CYFIP1: variants seen among roughly 807,000 people sequenced by gnomAD.
The protein encoded by CYFIP1 is cytoplasmic FMR1 interacting protein 1.
In CYFIP1, 58 loss-of-function variants were observed where a neutral mutation model predicts 163.5. That is an observed-to-expected ratio of 0.35 (90% CI 0.29 to 0.44). The LOEUF (loss-of-function observed/expected upper bound fraction) is 0.44, where lower values mean the gene tolerates loss of function less well. Ranked by LOEUF, CYFIP1 falls within the 20% of genes least tolerant of loss-of-function variation. The pLI, the probability that CYFIP1 is intolerant of heterozygous loss-of-function variation, is 1.00. For synonymous variants in CYFIP1, 663 were observed against 660.7 expected (o/e 1.00, Z -0.05); for missense variants, 1,338 against 1,653.8 (o/e 0.81, Z 3.31).
chr15:22,889,468 A>G (rs2060010829), intron 23 of CYFIP1, among the ~76,000 whole-genome samples: 1 of 152,212 alleles, frequency 6.6e-6, no homozygotes, highest in Non-Finnish European at 1.5e-5. Flanking sequence ...AACGTGTGTC[A>G]AGAGCCTTTA....
intron 14 of CYFIP1, among the ~76,000 whole-genome samples, 178 bp downstream of exon 14, chr15:22,918,514 T>C (rs1336065813): frequency 6.6e-6 from 1 of 152,182 alleles, no homozygotes; most frequent in Non-Finnish European, 1.5e-5. Context: ...TGTCCATTGT[T>C]TGGGTTAATA....
At chr15:22,906,681 G>A (rs1264985489) in intron 21 of CYFIP1, among the ~76,000 whole-genome samples, 1 of 151,552 alleles carries the variant, frequency 6.6e-6, no homozygotes, top group Non-Finnish European at 1.5e-5. Flanking sequence ...TAGCCAGGAT[G>A]GTCTCGATCT....
In CYFIP1 at chr15:22,943,203, C is replaced by G. The variant is rs2061948414; in HGVS notation, c.539G>C (p.Ser180Thr). The change falls in exon 6 of 31, where the codon AGT becomes ACT. Residue 180 changes from serine (S) to threonine (T), a missense_variant. Around this residue, in one of 4 missense-constraint regions of CYFIP1, gnomAD observed 186 missense variants for 288.3 expected, o/e 0.65. Transcript: ENST00000617928. ...VLDELKNMKC[S>T]VKNDHSAYKR... ...GTACGCTGAGTGGTCGTTCTTCACA[C>G]TGCACTTCATGTTCTTCAGCTCGTC... is the stretch of plus-strand genomic sequence containing the variant. The G allele has an allele frequency of 6.2e-7, 1 of 1,614,118 alleles. No homozygotes were observed. Among genetic ancestry groups the G allele is most frequent in the South Asian group, 1.1e-5 (1 of 91,094 alleles).
chr15:22,943,482 G>A (rs1229441593), intron 5 of CYFIP1, 128 bp from the exon 6 acceptor site: 13 of 1,045,682 alleles, frequency 1.2e-5, no homozygotes, highest in Admixed American at 5.3e-5. Flanking sequence ...GCTCCAGGCC[G>A]AAGTGTTTAC....
At chr15:22,890,002 T>C (rs1284974212) in intron 23 of CYFIP1, among the ~76,000 whole-genome samples, 2 of 152,078 alleles carry the variant, frequency 1.3e-5, no homozygotes, top group South Asian at 2.1e-4. Flanking sequence ...AATTATTGCA[T>C]AAAAGTCAGC....
chr15:22,871,691 G>C (rs546809835), intron 30 of CYFIP1, among the ~76,000 whole-genome samples: 40 of 152,350 alleles, frequency 2.6e-4, no homozygotes, highest in Admixed American at 5.2e-4. Context: ...GCCGGAGGCA[G>C]GAGAGACATG....
chr15:22,964,804 G>C (rs2062847033), intron 1 of CYFIP1, among the ~76,000 whole-genome samples: 1 of 152,200 alleles, frequency 6.6e-6, no homozygotes, highest in African/African-American at 2.4e-5. Flanking sequence ...AACGGCAGGA[G>C]ATGGATGCCA....
chr15:22,933,565 C>T (rs895401542), intron 10 of CYFIP1, among the ~76,000 whole-genome samples: 3 of 152,092 alleles, frequency 2.0e-5, no homozygotes, highest in South Asian at 2.1e-4. Flanking sequence ...CCGCCCGCCT[C>T]GGCCTCCCAA....
At chr15:22,973,415 T>G (rs1048897280) in intron 1 of CYFIP1, among the ~76,000 whole-genome samples, 11 of 151,542 alleles carry the variant, frequency 7.3e-5, no homozygotes, top group Non-Finnish European at 1.0e-4. Context: ...TCCCCTGCTT[T>G]CTGGCCCCAG....
intron 13 of CYFIP1, among the ~76,000 whole-genome samples, chr15:22,919,601 G>A (rs1021754816): frequency 2.6e-5 from 4 of 152,180 alleles, no homozygotes; most frequent in Non-Finnish European, 4.4e-5. Context: ...CCACCCTGCC[G>A]TGTGGATGTC....
At chr15:22,916,223 T>A (rs1002822890) in intron 16 of CYFIP1, among the ~76,000 whole-genome samples, 13 of 152,144 alleles carry the variant, frequency 8.5e-5, no homozygotes, top group Non-Finnish European at 1.8e-4. Flanking sequence ...CAACCCCGCA[T>A]GGGTTGAAAA....
Position 22,875,190 on chromosome 15 carries a change from C to A in CYFIP1, c.3115+9G>T. On this transcript the variant is annotated intron_variant, in intron 27 of 30. Transcript: ENST00000617928. ...GTCTGGACTCCCTGGTGGGGGTCAG[C>A]AGGCTCACCTTTCACATGGACTCGC... is the stretch of plus-strand genomic sequence containing the variant. 1 of 1,613,972 alleles carries A rather than the reference C, an allele frequency of 6.2e-7. No individual in the cohort carries two copies. Among genetic ancestry groups the A allele is most frequent in the Non-Finnish European group, 8.5e-7 (1 of 1,179,888 alleles).
At chr15:22,962,824 C>A (rs114526592) in intron 1 of CYFIP1, among the ~76,000 whole-genome samples, 1 of 152,210 alleles carries the variant, frequency 6.6e-6, no homozygotes, top group African/African-American at 2.4e-5. Flanking sequence ...GACGCATGCA[C>A]GCTGCCAGGC....
intron 11 of CYFIP1, among the ~76,000 whole-genome samples, chr15:22,930,052 G>A (rs1053011357): frequency 3.3e-5 from 5 of 150,342 alleles, no homozygotes; most frequent in East Asian, 2.0e-4. Context: ...ACCTAAAGTC[G>A]AATCACTTTA....
chr15:22,917,956 T>C lies in CYFIP1; in HGVS notation c.1527-21A>G. On this transcript the variant is annotated intron_variant, in intron 14 of 30. Coordinates refer to ENST00000617928, the MANE Select transcript of CYFIP1 (RefSeq NM_014608.6). This position sits in a 1 kb window ranked among gnomAD's most constrained non-coding sequence, Gnocchi z 4.2. ...GGACACTGAACACCCCACCAAGTGA[T>C]CAGCAAGGCCCAGAGGCCGAGACCT... is the stretch of plus-strand genomic sequence containing the variant. 1.2e-6 allele frequency: 2 copies of C among 1,608,810 alleles called. No individual in the cohort carries two copies.
At position 22,889,612 on chromosome 15, in the gene CYFIP1, G is replaced by A. The variant is rs749293435; in HGVS notation, c.2676+3278C>T. Among the ~76,000 whole-genome samples, 33 of 152,202 alleles carry A rather than the reference G, an allele frequency of 2.2e-4. 1 individual carries two copies. The highest frequency in any genetic ancestry group is 6.0e-4 in the African/African-American group (25 of 41,540). On this transcript the variant is annotated intron_variant, in intron 23 of 30. Transcript: ENST00000617928. ...CAGAACCGCAGGTGCACGGCCCCAC[G>A]CAGTCGGGTCGCCTGCCTACCCCCC...
chr15:22,951,718 C>T (rs1201666569), intron 1 of CYFIP1, among the ~76,000 whole-genome samples: 1 of 152,208 alleles, frequency 6.6e-6, no homozygotes, highest in Non-Finnish European at 1.5e-5. Context: ...CCTGACCCCG[C>T]GCAGCACCCA....
At position 22,867,914 on chromosome 15, in the gene CYFIP1, G is replaced by T. The variant is rs2059235401; in HGVS notation, c.*2114C>A. 6.6e-6 allele frequency: 1 copy of T among 152,222 alleles called. No homozygotes were observed. Among genetic ancestry groups the T allele is most frequent in the Non-Finnish European group, 1.5e-5 (1 of 68,034 alleles). 9.4% of individuals were successfully genotyped at this position (152,222 alleles called of 1,614,324 possible). ...CAGAAAAGGTAGAATAATAAAAAAG[G>T]TCTAATGAACTCCATTCAGCTTTGA... On this transcript the variant is annotated 3_prime_UTR_variant, in exon 31 of 31. Transcript: ENST00000617928.
chr15:22,899,239 G>A (rs549789862), intron 22 of CYFIP1, among the ~76,000 whole-genome samples: 278 of 152,136 alleles, frequency 1.8e-3, no homozygotes, highest in African/African-American at 6.5e-3. Flanking sequence ...GTTTAATGAA[G>A]TCAGAAAAAG....
Sources: gnomAD v4.1 joint callset for allele counts (sites outside exome capture counted in the v4.1 genomes callset) on GRCh38, gnomAD v4.1.1 for gene constraint, gnomAD v4.1.1 regional missense constraint, Gnocchi (gnomAD v3.1) non-coding constraint, MANE v1.5 for transcripts, NCBI Gene and HGNC (gene_info 2026-07-23, HGNC 2026-07-21) for gene names.